Variants in GRM5 observed in about 807,000 individuals in gnomAD.
GRM5 encodes metabotropic glutamate receptor 5.
A neutral mutation model predicts 83.1 loss-of-function variants in GRM5; 19 were observed. That is an observed-to-expected ratio of 0.23 (90% CI 0.16 to 0.34). The LOEUF (loss-of-function observed/expected upper bound fraction) is 0.34. Ranked by LOEUF, GRM5 falls within the 10% of genes least tolerant of loss-of-function variation. The pLI is 1.00. For synonymous variants in GRM5, 675 were observed against 633.6 expected, an observed-to-expected ratio of 1.07 and a Z score of -0.98; for missense variants, 1,160 against 1,588.3, an observed-to-expected ratio of 0.73 and a Z score of 4.58.
At chr11:88,772,175 C>A (rs1217827198) in intron 3 of GRM5, among the ~76,000 whole-genome samples, 1 of 151,872 alleles carries the variant, frequency 6.6e-6, no homozygotes, top group Non-Finnish European at 1.5e-5. Context: ...TCTATTGAAA[C>A]ATTATTATTG....
chr11:88,590,211 G>A (rs528350645), intron 7 of GRM5, among the ~76,000 whole-genome samples: 52 of 152,202 alleles, frequency 3.4e-4, no homozygotes, highest in African/African-American at 1.0e-3. Flanking sequence ...TGCCCAATTC[G>A]GTGATATCTT....
At chr11:88,721,448 C>A (rs1401375483) in intron 3 of GRM5, among the ~76,000 whole-genome samples, 1 of 152,094 alleles carries the variant, frequency 6.6e-6, no homozygotes, top group African/African-American at 2.4e-5. Flanking sequence ...TTAGACCACT[C>A]TTCTTAATTT....
chr11:88,554,534 AT>A (rs896928250), intron 8 of GRM5, among the ~76,000 whole-genome samples: 13 of 152,248 alleles, frequency 8.5e-5, no homozygotes, highest in Middle Eastern at 3.4e-3. Context: ...ATGTAATAAG[AT>A]TTTTTTGTTT....
intron 2 of GRM5, among the ~76,000 whole-genome samples, chr11:89,013,324 T>A (rs556795553): frequency 9.0e-4 from 137 of 152,354 alleles, no homozygotes; most frequent in Non-Finnish European, 1.6e-3. Flanking sequence ...CCACAAATAA[T>A]CTTGTCTTTA....
chr11:88,741,343 A>G (rs12275303), intron 3 of GRM5, among the ~76,000 whole-genome samples: 4,967 of 152,140 alleles, frequency 0.033, 269 homozygotes, highest in African/African-American at 0.11. Flanking sequence ...CTGCTTCGGT[A>G]GGTGTAGCAA....
intron 3 of GRM5, among the ~76,000 whole-genome samples, chr11:88,706,239 T>C (rs1391314853): frequency 6.6e-6 from 1 of 152,076 alleles, no homozygotes; most frequent in Non-Finnish European, 1.5e-5. Flanking sequence ...TCTGTGATCT[T>C]TGAAGGTCCA....
At chr11:88,818,414 T>C (rs1338286390) in intron 3 of GRM5, among the ~76,000 whole-genome samples, 2 of 152,074 alleles carry the variant, frequency 1.3e-5, no homozygotes, top group Non-Finnish European at 2.9e-5. Context: ...GACTTTTGGC[T>C]CCATAAAAAT....
intron 3 of GRM5, among the ~76,000 whole-genome samples, chr11:88,805,722 T>C (rs1943488242): frequency 6.6e-6 from 1 of 152,190 alleles, no homozygotes; most frequent in African/African-American, 2.4e-5. Flanking sequence ...TTTTGTCTTC[T>C]CCTTCCTTTT....
Position 88,667,942 on chromosome 11 carries a change from A to C in GRM5, c.912-14539T>G, listed in dbSNP as rs1940087025. On this transcript the variant is annotated intron_variant, in intron 3 of 9. Transcript: ENST00000305447. ...TGTTAAAGTCAAAATTGATTCTTTG[A>C]AAAGACTAATAAAACTGATGAACAT... Among the ~76,000 whole-genome samples the C allele has an allele frequency of 2.0e-5, 3 of 152,042 alleles. No individual in the cohort carries two copies. The South Asian group carries it at 6.2e-4, about 31-fold the overall frequency.
chr11:88,728,859 T>C (rs979065539), intron 3 of GRM5, among the ~76,000 whole-genome samples: 1 of 152,144 alleles, frequency 6.6e-6, no homozygotes, highest in Non-Finnish European at 1.5e-5. Flanking sequence ...AAACTAGGTA[T>C]TGATGGAACG....
intron 5 of GRM5, among the ~76,000 whole-genome samples, chr11:88,599,031 T>A (rs1937900421): frequency 6.6e-6 from 1 of 152,202 alleles, no homozygotes; most frequent in Non-Finnish European, 1.5e-5. Flanking sequence ...AGTTCCTTCT[T>A]CCTTATTAGA....
chr11:88,820,344 C>T (rs554107777), intron 3 of GRM5, among the ~76,000 whole-genome samples: 3 of 135,328 alleles, frequency 2.2e-5, no homozygotes, highest in African/African-American at 9.1e-5. Context: ...CACAGCACTC[C>T]AGCCTGGGCA....
chr11:88,899,084 G>C (rs180872690), intron 2 of GRM5, among the ~76,000 whole-genome samples: 7 of 151,828 alleles, frequency 4.6e-5, no homozygotes, highest in Non-Finnish European at 7.4e-5. Context: ...CTAGGTTTCC[G>C]ATTGTGATCT....
chr11:88,933,126 C>T (rs964821494), intron 2 of GRM5, among the ~76,000 whole-genome samples: 4 of 150,176 alleles, frequency 2.7e-5, no homozygotes, highest in Non-Finnish European at 5.9e-5. Flanking sequence ...TTTTAATAAA[C>T]TCCAAAAAAT....
At chr11:89,010,234 G>C (rs954341749) in intron 2 of GRM5, among the ~76,000 whole-genome samples, 1 of 152,030 alleles carries the variant, frequency 6.6e-6, no homozygotes, top group Non-Finnish European at 1.5e-5. Context: ...CTCCCTTAAA[G>C]TTAGAGTGTG....
At chr11:88,928,090 A>G (rs1945819558) in intron 2 of GRM5, among the ~76,000 whole-genome samples, 3 of 152,090 alleles carry the variant, frequency 2.0e-5, no homozygotes, top group Non-Finnish European at 4.4e-5. Flanking sequence ...TCTTAGGATT[A>G]TGTGCAGCGT....
chr11:88,724,351 C>A (rs1287293321), intron 3 of GRM5, among the ~76,000 whole-genome samples: 1 of 152,176 alleles, frequency 6.6e-6, no homozygotes, highest in Non-Finnish European at 1.5e-5. Context: ...CCCTGCCACT[C>A]TGCTTACACT....
intron 2 of GRM5, among the ~76,000 whole-genome samples, chr11:88,944,212 T>C (rs1938202916): frequency 6.6e-6 from 1 of 151,686 alleles, no homozygotes; most frequent in South Asian, 2.1e-4. Flanking sequence ...GCCAGAAAAA[T>C]AGAGAGAAGC....
At chr11:88,551,459 C>T (rs1942504981) in intron 8 of GRM5, among the ~76,000 whole-genome samples, 1 of 152,186 alleles carries the variant, frequency 6.6e-6, no homozygotes, top group African/African-American at 2.4e-5. Flanking sequence ...ATGTTGCAGA[C>T]TCTGACATAT....
Sources: gnomAD v4.1 joint callset for allele counts (sites outside exome capture counted in the v4.1 genomes callset) on GRCh38, gnomAD v4.1.1 for gene constraint, MANE v1.5 for transcripts, NCBI Gene and HGNC (gene_info 2026-07-23, HGNC 2026-07-21) for gene names.